Variants in MCC observed in about 807,000 individuals in gnomAD.
MCC encodes the protein colorectal mutant cancer protein.
MCC carries 90 observed loss-of-function variants against 116.2 expected under a neutral mutation model. The observed-to-expected ratio is 0.77, with a 90% CI of 0.65 to 0.92. The LOEUF (loss-of-function observed/expected upper bound fraction) is 0.92, where lower values mean the gene tolerates loss of function less well. Among genes scored for constraint, MCC ranks in the 40% least tolerant of loss-of-function variants. MCC has a pLI of 0.00. For synonymous variants in MCC, 578 were observed against 510.5 expected (o/e 1.13, Z -1.78); for missense variants, 1,516 against 1,312.2 (o/e 1.16, Z -2.40).
intron 3 of MCC, among the ~76,000 whole-genome samples, chr5:113,260,677 T>C (rs1041414281): frequency 6.6e-6 from 1 of 152,170 alleles, no homozygotes; most frequent in Middle Eastern, 3.2e-3. Flanking sequence ...CTTTTACCCA[T>C]GTATGATTTT....
At chr5:113,187,361 G>A (rs1036621981) in intron 3 of MCC, among the ~76,000 whole-genome samples, 6 of 152,020 alleles carry the variant, frequency 3.9e-5, no homozygotes, top group African/African-American at 1.4e-4. Context: ...CGCCTGCCTC[G>A]GCTTCCCAAA....
At chr5:113,072,164 T>G (rs1157400432) in intron 11 of MCC, among the ~76,000 whole-genome samples, 1 of 152,206 alleles carries the variant, frequency 6.6e-6, no homozygotes, top group Non-Finnish European at 1.5e-5. Flanking sequence ...AAGAGAAAGC[T>G]TCACACAAAC....
chr5:113,384,956 G>C lies in MCC; in HGVS notation c.415+12C>G. ...GTGGAGTGCCATAAAACTGCCACCT[G>C]GTTATACCTACCCAAACTGTTGTCA... On this transcript the variant is annotated intron_variant, in intron 2 of 18. Coordinates refer to ENST00000408903, the MANE Select transcript of MCC (RefSeq NM_001085377.2). The C allele has an allele frequency of 6.2e-7, 1 of 1,613,918 alleles. No individual in the cohort carries two copies. Among genetic ancestry groups the C allele is most frequent in the Non-Finnish European group, 8.5e-7 (1 of 1,179,874 alleles).
At chr5:113,068,757 G>C (rs1301120514) in intron 12 of MCC, among the ~76,000 whole-genome samples, 1 of 152,204 alleles carries the variant, frequency 6.6e-6, no homozygotes, top group East Asian at 1.9e-4. Flanking sequence ...TAATGACTAA[G>C]GCCTCCAGCC....
intron 6 of MCC, 100 bp from the exon 7 acceptor site, chr5:113,104,455 G>C: frequency 9.5e-7 from 1 of 1,053,826 alleles, no homozygotes; most frequent in Admixed American, 2.5e-5. Context: ...TGGCAATGGA[G>C]CCTGACATTT....
intron 18 of MCC, 31 bp from the exon 19 acceptor site, chr5:113,027,513 A>C (rs746631197): frequency 3.1e-6 from 5 of 1,605,736 alleles, no homozygotes; most frequent in Non-Finnish European, 4.3e-6. Flanking sequence ...ATTGGTATTA[A>C]GATTCATCCT....
chr5:113,341,275 G>T (rs1434652505), intron 2 of MCC, among the ~76,000 whole-genome samples: 4 of 150,762 alleles, frequency 2.7e-5, no homozygotes, highest in Admixed American at 6.6e-5. Context: ...TGTCATCCAG[G>T]TGGGAGTGCA....
intron 2 of MCC, among the ~76,000 whole-genome samples, chr5:113,357,985 T>A (rs1212622438): frequency 6.6e-6 from 1 of 152,210 alleles, no homozygotes; most frequent in Non-Finnish European, 1.5e-5. Context: ...TTAAAAACTT[T>A]CTAAAAAACT....
chr5:113,282,742 T>A (rs941542214), intron 3 of MCC, among the ~76,000 whole-genome samples: 1 of 152,182 alleles, frequency 6.6e-6, no homozygotes, highest in African/African-American at 2.4e-5. Flanking sequence ...ATTCAAATAC[T>A]TCATCAAAAG....
Position 113,167,144 on chromosome 5 carries a change from C to T in MCC, c.628-15722G>A, listed in dbSNP as rs116567475. On this transcript the variant is annotated intron_variant, in intron 3 of 18. Coordinates refer to ENST00000408903, the MANE Select transcript of MCC (RefSeq NM_001085377.2). ...TTCTCTCACTTTACACCAATAGATG[C>T]GCTGTGGCAAAAAAGGTGAGTCAAC... Among the ~76,000 whole-genome samples, 289 of 152,156 alleles carry T rather than the reference C, an allele frequency of 1.9e-3. 1 individual carries two copies. The highest frequency in any genetic ancestry group is 2.9e-3 in the Non-Finnish European group (196 of 68,010).
At chr5:113,111,786 G>T (rs535311922) in intron 6 of MCC, among the ~76,000 whole-genome samples, 1 of 152,288 alleles carries the variant, frequency 6.6e-6, no homozygotes, top group East Asian at 1.9e-4. Flanking sequence ...TGGAAATCTG[G>T]AAAGGAGGTA....
At chr5:113,425,531 T>C (rs1180873553) in intron 1 of MCC, among the ~76,000 whole-genome samples, 1 of 152,206 alleles carries the variant, frequency 6.6e-6, no homozygotes, top group East Asian at 1.9e-4. Context: ...ACTATTGATC[T>C]AATCAAACAT....
intron 5 of MCC, among the ~76,000 whole-genome samples, chr5:113,137,122 G>C (rs1396994554): frequency 6.6e-6 from 1 of 152,172 alleles, no homozygotes; most frequent in East Asian, 1.9e-4. Flanking sequence ...AGCATGGCTG[G>C]AGAGGCCTCA....
chr5:113,304,609 G>A (rs1033322448), intron 3 of MCC, among the ~76,000 whole-genome samples: 5 of 152,194 alleles, frequency 3.3e-5, no homozygotes, highest in African/African-American at 1.2e-4. Flanking sequence ...AGATATTTTC[G>A]AGCCTAAAAC....
intron 8 of MCC, among the ~76,000 whole-genome samples, chr5:113,094,594 G>A (rs962320284): frequency 2.0e-5 from 3 of 151,888 alleles, no homozygotes; most frequent in Non-Finnish European, 4.4e-5. Context: ...CTAATTTTTT[G>A]TATTTTTAGT....
At chr5:113,178,837 A>G (rs777906787) in intron 3 of MCC, among the ~76,000 whole-genome samples, 6 of 152,172 alleles carry the variant, frequency 3.9e-5, no homozygotes, top group Non-Finnish European at 5.9e-5. Context: ...AAGGGGATCT[A>G]AAGTCTTCCT....
Position 113,340,664 on chromosome 5 carries a change from TC to T in MCC, c.481del (p.Asp161MetfsTer39). 2 of 1,614,090 alleles carry T rather than the reference TC, an allele frequency of 1.2e-6. No homozygotes were observed. The highest frequency in any genetic ancestry group is 1.7e-6 in the Non-Finnish European group (2 of 1,180,012). On this transcript the variant is annotated frameshift_variant, in exon 3 of 19. Transcript: ENST00000408903. LOFTEE classifies it high-confidence loss of function. Reference sequence around the variant, plus strand: ...CTGGAGGGCTGACTGGCTCTGCACATCCGGGCTCTGGAGGTCCCTGGCACCA... The same window carrying T: ...CTGGAGGGCTGACTGGCTCTGCACATCGGGCTCTGGAGGTCCCTGGCACCA... ...DSGARDLQSP[D>X]VQSQSALQKL...
intron 11 of MCC, among the ~76,000 whole-genome samples, chr5:113,073,796 G>A (rs1754217257): frequency 6.6e-6 from 1 of 152,166 alleles, no homozygotes; most frequent in South Asian, 2.1e-4. Context: ...ACAGCAGTCT[G>A]AGATCAAACT....
At chr5:113,317,891 G>A (rs12514091) in intron 3 of MCC, among the ~76,000 whole-genome samples, 20,960 of 152,074 alleles carry the variant, frequency 0.14, 2,276 homozygotes, top group Admixed American at 0.28. Flanking sequence ...AATGTGATCA[G>A]GATATAATTA....
Sources: gnomAD v4.1 joint callset for allele counts (sites outside exome capture counted in the v4.1 genomes callset) on GRCh38, gnomAD v4.1.1 for gene constraint, MANE v1.5 for transcripts, NCBI Gene and HGNC (gene_info 2026-07-23, HGNC 2026-07-21) for gene names.